DIP2B: variants seen among roughly 807,000 people sequenced by gnomAD.
The protein encoded by DIP2B is DIP2 acetate--CoA ligase B (putative).
Under a neutral mutation model 198.0 loss-of-function variants are expected in DIP2B, and 76 were observed. The ratio of observed to expected loss-of-function variants is 0.38; its 90% CI spans 0.32 to 0.46. The LOEUF (loss-of-function observed/expected upper bound fraction) is 0.46, where lower values mean the gene tolerates loss of function less well. Among genes scored for constraint, DIP2B ranks in the 20% least tolerant of loss-of-function variants. The pLI is 0.99. For missense variants in DIP2B, 1,559 were observed against 1,978.4 expected (o/e 0.79, Z 4.02); for synonymous variants, 701 against 739.1 (o/e 0.95, Z 0.84).
At chr12:50,586,145 G>A (rs1472126109) in intron 1 of DIP2B, among the ~76,000 whole-genome samples, 2 of 152,216 alleles carry the variant, frequency 1.3e-5, no homozygotes, top group African/African-American at 4.8e-5. Flanking sequence ...GGTCTCTGAA[G>A]GCTCTGCCAG....
At position 50,674,616 on chromosome 12, in the gene DIP2B, G is replaced by T; in HGVS notation, c.783G>T (p.Met261Ile). The change falls in exon 6 of 38, where the codon ATG becomes ATT. Residue 261 changes from methionine (M) to isoleucine (I), a missense_variant. Coordinates refer to ENST00000301180, the MANE Select transcript of DIP2B (RefSeq NM_173602.3). The stretch of plus-strand genomic sequence containing the variant: ...AAGGATCCAACAGGTCCAGCCTTAT[G>T]GATACAGCTGATGGTAAGGAGTTGT... ...MHKGSNRSSL[M>I]DTADGVPVSS... 1 of 1,614,174 alleles carries T rather than the reference G, an allele frequency of 6.2e-7. No homozygotes were observed. The highest frequency in any genetic ancestry group is 8.5e-7 in the Non-Finnish European group (1 of 1,180,016).
At chr12:50,598,220 C>T (rs948951090) in intron 1 of DIP2B, among the ~76,000 whole-genome samples, 1 of 152,264 alleles carries the variant, frequency 6.6e-6, no homozygotes, top group South Asian at 2.1e-4. Context: ...GGGTTAGCCA[C>T]ATAATTAAGG....
intron 22 of DIP2B, among the ~76,000 whole-genome samples, chr12:50,712,382 T>C (rs2139574477): frequency 6.6e-6 from 1 of 151,936 alleles, no homozygotes; most frequent in Admixed American, 6.5e-5. Flanking sequence ...GGCAGGCAGA[T>C]CACTTGAGAT....
chr12:50,734,977 A>G (rs772537260), intron 33 of DIP2B, 96 bp from the exon 34 acceptor site: 21 of 1,422,524 alleles, frequency 1.5e-5, no homozygotes, highest in Non-Finnish European at 2.0e-5. Flanking sequence ...GAAGAGAGAC[A>G]AGTTAGAGGT....
At chr12:50,646,590 T>G (rs1938355382) in intron 3 of DIP2B, among the ~76,000 whole-genome samples, 1 of 151,940 alleles carries the variant, frequency 6.6e-6, no homozygotes, top group South Asian at 2.1e-4. Context: ...CCCAGCTAAT[T>G]TTTGTATTTT....
intron 2 of DIP2B, among the ~76,000 whole-genome samples, chr12:50,632,237 G>A (rs865978019): frequency 6.6e-6 from 1 of 151,566 alleles, no homozygotes; most frequent in Non-Finnish European, 1.5e-5. Context: ...CTGTACTCCC[G>A]GCACTTTGGG....
At chr12:50,561,826 C>T (rs975697783) in intron 1 of DIP2B, among the ~76,000 whole-genome samples, 2 of 152,132 alleles carry the variant, frequency 1.3e-5, no homozygotes, top group East Asian at 3.9e-4. Flanking sequence ...CCAGGGTGGT[C>T]TCGAACTTCT....
At chr12:50,505,995 A>G (rs1269984576) in intron 1 of DIP2B, among the ~76,000 whole-genome samples, 3 of 151,824 alleles carry the variant, frequency 2.0e-5, no homozygotes, top group East Asian at 3.9e-4. Flanking sequence ...TCTTTTGACA[A>G]TGGATTGGGA....
At chr12:50,631,108 G>A (rs551625308) in intron 2 of DIP2B, among the ~76,000 whole-genome samples, 4 of 151,490 alleles carry the variant, frequency 2.6e-5, no homozygotes, top group South Asian at 2.1e-4. Flanking sequence ...CTCTTTCTCC[G>A]GTCAGTTTCC....
Position 50,671,282 on chromosome 12 carries a change from T to C in DIP2B, c.524T>C (p.Ile175Thr). ...AGCTTACAGAATGCTGAGTCCTGGA[T>C]CAACCGTTCAATTCAGGGATCGTCC... ...QQSLQNAESW[I>T]NRSIQGSSTS... The change falls in exon 5 of 38, where the codon ATC becomes ACC. Residue 175 changes from isoleucine (I) to threonine (T), a missense_variant. Transcript: ENST00000301180. 6.2e-7 allele frequency: 1 copy of C among 1,614,180 alleles called. No individual in the cohort carries two copies. Among genetic ancestry groups the C allele is most frequent in the South Asian group, 1.1e-5 (1 of 91,084 alleles).
chr12:50,548,242 T>G (rs1395620390), intron 1 of DIP2B, among the ~76,000 whole-genome samples: 2 of 152,168 alleles, frequency 1.3e-5, no homozygotes, highest in Non-Finnish European at 2.9e-5. Flanking sequence ...ATACTTTTTT[T>G]GTGTATGCTT....
intron 1 of DIP2B, among the ~76,000 whole-genome samples, chr12:50,606,899 T>C (rs1381606878): frequency 6.6e-6 from 1 of 152,030 alleles, no homozygotes; most frequent in Non-Finnish European, 1.5e-5. Flanking sequence ...TTTGACCTTC[T>C]GGGCTGAAAT....
intron 2 of DIP2B, among the ~76,000 whole-genome samples, chr12:50,639,558 G>A (rs961420074): frequency 6.7e-6 from 1 of 150,012 alleles, no homozygotes; most frequent in African/African-American, 2.4e-5. Context: ...GTGTGGCACT[G>A]TTGCTTGTAC....
chr12:50,661,155 C>T (rs1047465085), intron 4 of DIP2B, among the ~76,000 whole-genome samples: 4 of 152,094 alleles, frequency 2.6e-5, no homozygotes, highest in Admixed American at 2.0e-4. Flanking sequence ...GAATCCCAGA[C>T]AAGATCTTGA....
intron 13 of DIP2B, among the ~76,000 whole-genome samples, chr12:50,691,746 C>A (rs183241483): frequency 3.6e-5 from 5 of 140,734 alleles, no homozygotes; most frequent in African/African-American, 1.2e-4. Flanking sequence ...ATCAAAATGC[C>A]CTTAAATAAG....
chr12:50,598,008 G>A (rs1465910228), intron 1 of DIP2B, among the ~76,000 whole-genome samples: 3 of 152,090 alleles, frequency 2.0e-5, no homozygotes, highest in Non-Finnish European at 4.4e-5. Context: ...ATTCCTTCAG[G>A]TTGGGTCCAG....
intron 1 of DIP2B, among the ~76,000 whole-genome samples, chr12:50,606,808 T>G (rs1264558325): frequency 6.6e-6 from 1 of 151,772 alleles, no homozygotes; most frequent in Non-Finnish European, 1.5e-5. Flanking sequence ...TTTTTCTGTT[T>G]TTTTTTTTTT....
In DIP2B at chr12:50,699,187, A is replaced by G; in HGVS notation, c.2310A>G (p.Thr770=). The part of the protein sequence containing the change: ...GMMYFGLAGV[T]KNTFEVIPVN... The stretch of plus-strand genomic sequence containing the variant: ...TGTACTTTGGGCTTGCTGGTGTGAC[A>G]AAAAATACATTTGAGGTACATGATA... The change falls in exon 19 of 38, where the codon ACA becomes ACG. Residue 770 remains threonine (T), a synonymous_variant. Transcript: ENST00000301180. 6.2e-7 allele frequency: 1 copy of G among 1,614,104 alleles called. No homozygotes were observed. The highest frequency in any genetic ancestry group is 8.5e-7 in the Non-Finnish European group (1 of 1,180,006).
At chr12:50,553,461 A>G (rs1958444024) in intron 1 of DIP2B, among the ~76,000 whole-genome samples, 1 of 152,194 alleles carries the variant, frequency 6.6e-6, no homozygotes, top group Admixed American at 6.5e-5. Flanking sequence ...GCAATCCTGA[A>G]TGTAACAAGA....
Sources: gnomAD v4.1 joint callset for allele counts (sites outside exome capture counted in the v4.1 genomes callset) on GRCh38, gnomAD v4.1.1 for gene constraint, MANE v1.5 for transcripts, NCBI Gene and HGNC (gene_info 2026-07-23, HGNC 2026-07-21) for gene names.